The following EEFSEC variants were observed in gnomAD, a reference collection of about 807,000 sequenced individuals.
EEFSEC encodes the protein eukaryotic elongation factor, selenocysteine-tRNA specific.
In EEFSEC, 43 loss-of-function variants were observed where a neutral mutation model predicts 42.1. The ratio of observed to expected loss-of-function variants is 1.02; its 90% confidence interval spans 0.80 to 1.32. The LOEUF (loss-of-function observed/expected upper bound fraction) is 1.32. Among genes scored for constraint, EEFSEC ranks in the 40% most tolerant of loss-of-function variants. The pLI, the probability that EEFSEC is intolerant of heterozygous loss-of-function variation, is 0.00. For synonymous variants in EEFSEC, 354 were observed against 339.1 expected, an observed-to-expected ratio of 1.04 and a Z score of -0.48; for missense variants, 745 against 803.6, an observed-to-expected ratio of 0.93 and a Z score of 0.88.
At chr3:128,339,703 C>G (rs1209718642) in intron 4 of EEFSEC, among the ~76,000 whole-genome samples, 1 of 152,196 alleles carries the variant, frequency 6.6e-6, no homozygotes, top group Admixed American at 6.5e-5. Context: ...GGGCCCGAGC[C>G]TTGACCTCTG....
At chr3:128,265,036 T>C (rs2066339470) in intron 4 of EEFSEC, among the ~76,000 whole-genome samples, 1 of 152,056 alleles carries the variant, frequency 6.6e-6, no homozygotes, top group East Asian at 1.9e-4. Flanking sequence ...CTCAAGGAGG[T>C]GTTCCCAAGT....
At chr3:128,221,391 G>T (rs995400498) in intron 1 of EEFSEC, among the ~76,000 whole-genome samples, 5 of 152,222 alleles carry the variant, frequency 3.3e-5, no homozygotes, top group Non-Finnish European at 7.3e-5. Flanking sequence ...ACAAGAAGTT[G>T]CCTGTAACTG....
At chr3:128,319,452 TTATG>T (rs1393747245) in intron 4 of EEFSEC, among the ~76,000 whole-genome samples, 17 of 152,270 alleles carry the variant, frequency 1.1e-4, no homozygotes, top group African/African-American at 4.1e-4. Context: ...ACCTGGGGGA[TTATG>T]TATATTCATG....
At chr3:128,175,882 C>T (rs975212373) in intron 1 of EEFSEC, among the ~76,000 whole-genome samples, 1 of 152,196 alleles carries the variant, frequency 6.6e-6, no homozygotes, top group African/African-American at 2.4e-5. Context: ...TTAAGTGGAG[C>T]AGTGGAAAGA....
At chr3:128,399,680 G>A (rs1039606319) in intron 6 of EEFSEC, among the ~76,000 whole-genome samples, 5 of 151,946 alleles carry the variant, frequency 3.3e-5, no homozygotes, top group Non-Finnish European at 7.4e-5. Flanking sequence ...GGATTCCAGA[G>A]TCGCTGTCAC....
chr3:128,278,957 A>G (rs929243587), intron 4 of EEFSEC, among the ~76,000 whole-genome samples: 1 of 152,212 alleles, frequency 6.6e-6, no homozygotes, highest in African/African-American at 2.4e-5. Context: ...GACTGGGCGG[A>G]AGGTCAGGAG....
At chr3:128,348,261 T>TGTGTGTGTGCGTGTGC (rs1381606740) in intron 5 of EEFSEC, among the ~76,000 whole-genome samples, 5 of 134,906 alleles carry the variant, frequency 3.7e-5, no homozygotes, top group Admixed American at 7.4e-5. Flanking sequence ...TGCGTGTGTG[T>TGTGTGTGTGCGTGTGC]GTGTGTGTGC....
chr3:128,167,804 C>T (rs1391756547), intron 1 of EEFSEC, among the ~76,000 whole-genome samples: 1 of 152,208 alleles, frequency 6.6e-6, no homozygotes, highest in Non-Finnish European at 1.5e-5. Flanking sequence ...AGATCCCTCC[C>T]AGATCGTATA....
At position 128,351,547 on chromosome 3, in the gene EEFSEC, T is replaced by C. The variant is rs573191257; in HGVS notation, c.1444-6670T>C. On this transcript the variant is annotated intron_variant, in intron 5 of 6. Coordinates refer to ENST00000254730, the MANE Select transcript of EEFSEC (RefSeq NM_021937.5). ...ACCTGGAATCGGCACAGGGCTCCAT[T>C]TCATGGCACGTTTGCCTGCCTTCCT... Among the ~76,000 whole-genome samples the C allele has an allele frequency of 3.3e-5, 5 of 152,302 alleles. No homozygotes were observed. The South Asian group carries it at 1.0e-3, about 32-fold the overall frequency.
intron 4 of EEFSEC, among the ~76,000 whole-genome samples, chr3:128,340,603 C>T (rs2067239410): frequency 6.6e-6 from 1 of 152,114 alleles, no homozygotes; most frequent in Admixed American, 6.5e-5. Context: ...AAGAGAGATC[C>T]TGCCCTAGGC....
chr3:128,262,249 G>T lies in EEFSEC; in HGVS notation c.621+25G>T, dbSNP rs2066306181. The stretch of plus-strand genomic sequence containing the variant: ...GGTACTGTCATCTTGAATCCAGGTT[G>T]CCCTTTAGCCCCAGCGCTGCTCAGG... On this transcript the variant is annotated intron_variant, in intron 3 of 6. Coordinates refer to ENST00000254730, the MANE Select transcript of EEFSEC (RefSeq NM_021937.5). 6 of 1,607,578 alleles carry T rather than the reference G, an allele frequency of 3.7e-6. No homozygotes were observed. In the East Asian group the frequency reaches 1.1e-4, roughly 30 times the overall value.
intron 4 of EEFSEC, among the ~76,000 whole-genome samples, chr3:128,323,874 G>A (rs1353090065): frequency 6.6e-6 from 1 of 152,200 alleles, no homozygotes; most frequent in African/African-American, 2.4e-5. Flanking sequence ...CTTCAGCAGA[G>A]TGAGGATGCA....
At chr3:128,251,291 A>G (rs1424782430) in intron 2 of EEFSEC, among the ~76,000 whole-genome samples, 4 of 152,202 alleles carry the variant, frequency 2.6e-5, no homozygotes, top group African/African-American at 7.2e-5. Flanking sequence ...ATCTCTGTAC[A>G]TCATTAAACT....
At chr3:128,419,209 CAAAGAA>C in the EEFSEC span, among the ~76,000 whole-genome samples, 1 of 152,064 alleles carries the variant, frequency 6.6e-6, no homozygotes, top group African/African-American at 2.4e-5. Context: ...CATGTGTGCA[CAAAGAA>C]GTGGGGCACG....
chr3:128,265,527 G>A (rs1291534324), intron 4 of EEFSEC, among the ~76,000 whole-genome samples: 1 of 152,180 alleles, frequency 6.6e-6, no homozygotes, highest in Non-Finnish European at 1.5e-5. Context: ...AAGAATAAAA[G>A]GTAGGGAACA....
chr3:128,355,306 G>C (rs1211069645), intron 5 of EEFSEC, among the ~76,000 whole-genome samples: 1 of 152,164 alleles, frequency 6.6e-6, no homozygotes, highest in Non-Finnish European at 1.5e-5. Flanking sequence ...GGGCCAAGGG[G>C]AGAGGAGGTG....
intron 1 of EEFSEC, among the ~76,000 whole-genome samples, chr3:128,190,798 T>G (rs935728733): frequency 1.3e-5 from 2 of 152,250 alleles, no homozygotes; most frequent in Non-Finnish European, 1.5e-5. Flanking sequence ...TAATCTTTTA[T>G]GTTGTATTTT....
intron 6 of EEFSEC, among the ~76,000 whole-genome samples, chr3:128,384,762 G>C (rs1242043646): frequency 2.0e-5 from 3 of 152,178 alleles, no homozygotes; most frequent in Non-Finnish European, 2.9e-5. Context: ...CCAAGCATTT[G>C]CTGGGCTAGT....
the EEFSEC span, among the ~76,000 whole-genome samples, chr3:128,416,201 T>G: frequency 6.6e-6 from 1 of 152,002 alleles, no homozygotes; most frequent in African/African-American, 2.4e-5. Context: ...AGCACCCACA[T>G]CTTGGGTGGG....
Sources: gnomAD v4.1 joint callset for allele counts (sites outside exome capture counted in the v4.1 genomes callset) on GRCh38, gnomAD v4.1.1 for gene constraint, MANE v1.5 for transcripts, NCBI Gene and HGNC (gene_info 2026-07-23, HGNC 2026-07-21) for gene names.